Variants in SCMH1 observed in about 807,000 individuals in gnomAD.
SCMH1 encodes Scm polycomb group protein homolog 1.
In SCMH1, 37 loss-of-function variants were observed where a neutral mutation model predicts 70.8. That is an observed-to-expected ratio of 0.52 (90% confidence interval 0.40 to 0.69). The LOEUF is 0.69. SCMH1 is among the 30% of genes least tolerant of loss of function. SCMH1 has a pLI of 0.00. For synonymous variants in SCMH1, 292 were observed against 307.4 expected, an observed-to-expected ratio of 0.95 and a Z score of 0.52; for missense variants, 607 against 827.3, an observed-to-expected ratio of 0.73 and a Z score of 3.27.
chr1:41,177,897 C>T (rs373384339), intron 2 of SCMH1, among the ~76,000 whole-genome samples: 1 of 152,126 alleles, frequency 6.6e-6, no homozygotes, highest in African/African-American at 2.4e-5. Flanking sequence ...ATGCCACAAA[C>T]ATACTCCTCG....
chr1:41,186,271 G>A, intron 1 of SCMH1, 21 bp from the exon 2 acceptor site: 1 of 616,440 alleles, frequency 1.6e-6, no homozygotes, highest in Non-Finnish European at 3.1e-6. Context: ...GGTAGGTGGG[G>A]AGGAAGGAGA....
At chr1:41,062,918 CA>C (rs61144004) in intron 10 of SCMH1, among the ~76,000 whole-genome samples, 81 of 109,870 alleles carry the variant, frequency 7.4e-4, no homozygotes, top group Admixed American at 6.9e-4. Flanking sequence ...GACTCCATCT[CA>C]AAAAAAAAAA....
intron 10 of SCMH1, among the ~76,000 whole-genome samples, chr1:41,050,322 G>A (rs1349431757): frequency 6.6e-6 from 1 of 152,172 alleles, no homozygotes. Context: ...CTCACTAGCT[G>A]AAGGGGTAGA....
chr1:41,078,408 G>T (rs895856741), intron 8 of SCMH1, among the ~76,000 whole-genome samples: 1 of 152,034 alleles, frequency 6.6e-6, no homozygotes, highest in Non-Finnish European at 1.5e-5. Context: ...TATGGATTCA[G>T]CAATCCATAG....
At chr1:41,062,538 G>A (rs372859733) in intron 10 of SCMH1, among the ~76,000 whole-genome samples, 3 of 151,910 alleles carry the variant, frequency 2.0e-5, no homozygotes, top group Non-Finnish European at 4.4e-5. Context: ...TCAGGAATTC[G>A]AGACCAGCCT....
chr1:41,041,938 A>G (rs1012088736), intron 12 of SCMH1, among the ~76,000 whole-genome samples: 2 of 151,994 alleles, frequency 1.3e-5, no homozygotes, highest in South Asian at 2.1e-4. Flanking sequence ...AATCAATACA[A>G]TCTCCTGCTT....
rs931619188 is a variant in SCMH1 at position 41,102,586 on chromosome 1, G to T, written c.745+10697C>A. 3.9e-5 allele frequency among the ~76,000 whole-genome samples: 6 copies of T among 152,154 alleles called. No individual in the cohort carries two copies. The East Asian group carries it at 9.6e-4, about 24-fold the overall frequency. On this transcript the variant is annotated intron_variant, in intron 8 of 14. Coordinates refer to ENST00000337495, the Ensembl canonical transcript of SCMH1. ...CAAAGACATGTCACATTTTCCTGGG[G>T]ACTTCAGGCTGATAAATCTGCAGAG...
rs749945899 is a variant in SCMH1, at chr1:41,139,419, G to A, written c.412+3459C>T. Among the ~76,000 whole-genome samples, 99 of 152,010 alleles carry A rather than the reference G, an allele frequency of 6.5e-4. 1 individual carries two copies. Among genetic ancestry groups the A allele is most frequent in the African/African-American group, 2.1e-3 (87 of 41,438 alleles). ...AGTAACTGATAATTGTGGCATTCTC[G>A]GCTCCTAGTTATATTTAGGCATAAG... On this transcript the variant is annotated intron_variant, in intron 6 of 14. Transcript: ENST00000337495.
chr1:41,082,507 G>A (rs1413400127), intron 8 of SCMH1, among the ~76,000 whole-genome samples: 5 of 152,054 alleles, frequency 3.3e-5, no homozygotes. Flanking sequence ...TTACAGACAA[G>A]CAAATGCTAA....
chr1:41,109,154 A>C (rs1031701532), intron 8 of SCMH1, among the ~76,000 whole-genome samples: 1 of 152,208 alleles, frequency 6.6e-6, no homozygotes, highest in Non-Finnish European at 1.5e-5. Context: ...CTAGACTCAG[A>C]TATCAACAGA....
chr1:41,160,778 G>T, intron 4 of SCMH1, 97 bp downstream of exon 4: 1 of 1,129,484 alleles, frequency 8.9e-7, no homozygotes, highest in Non-Finnish European at 1.3e-6. Flanking sequence ...ACAGAGACAC[G>T]TGGAATTCTT....
At chr1:41,163,412 A>G (rs967021619) in intron 2 of SCMH1, among the ~76,000 whole-genome samples, 2 of 152,358 alleles carry the variant, frequency 1.3e-5, no homozygotes, top group African/African-American at 4.8e-5. Flanking sequence ...GAACGAGCCC[A>G]GTGGGCCCAA....
At chr1:41,066,803 T>C (rs1654759511) in intron 10 of SCMH1, among the ~76,000 whole-genome samples, 1 of 152,060 alleles carries the variant, frequency 6.6e-6, no homozygotes, top group Non-Finnish European at 1.5e-5. Context: ...TTGCCCAGGC[T>C]GGTCTTGAAC....
chr1:41,088,201 T>C (rs966713490), intron 8 of SCMH1, among the ~76,000 whole-genome samples: 2 of 152,002 alleles, frequency 1.3e-5, no homozygotes, highest in African/African-American at 4.8e-5. Flanking sequence ...AAAACACACA[T>C]AAATTTGCTT....
intron 1 of SCMH1, among the ~76,000 whole-genome samples, chr1:41,224,489 A>C (rs1159935461): frequency 6.6e-6 from 1 of 152,166 alleles, no homozygotes; most frequent in Non-Finnish European, 1.5e-5. Context: ...CATTTCTTAT[A>C]ATTATTACTA....
At chr1:41,048,844 A>T (rs141985362) in exon 11 of SCMH1, 1 of 1,614,066 alleles carries the variant, frequency 6.2e-7, no homozygotes, top group Non-Finnish European at 8.5e-7. Context: ...CCTTCTTCTT[A>T]TCTAAGTGGG....
intron 2 of SCMH1, among the ~76,000 whole-genome samples, chr1:41,181,522 T>A (rs989656478): frequency 6.6e-6 from 1 of 151,840 alleles, no homozygotes; most frequent in Non-Finnish European, 1.5e-5. Context: ...CACAACCCCA[T>A]CAAAAAGTGG....
chr1:41,053,668 T>G (rs1198886968), intron 10 of SCMH1, among the ~76,000 whole-genome samples: 1 of 152,148 alleles, frequency 6.6e-6, no homozygotes, highest in Non-Finnish European at 1.5e-5. Flanking sequence ...AAAAGATTAT[T>G]GGGACAGATT....
chr1:41,201,833 T>C (rs1379842505), intron 1 of SCMH1, among the ~76,000 whole-genome samples: 3 of 152,132 alleles, frequency 2.0e-5, no homozygotes, highest in Admixed American at 6.5e-5. Flanking sequence ...AAAAAGAATA[T>C]AGAACAAGCA....
Sources: allele counts gnomAD v4.1 joint callset (sites outside exome capture counted in the v4.1 genomes callset), GRCh38; gene constraint gnomAD v4.1.1; transcripts MANE v1.5; gene names NCBI Gene and HGNC (gene_info 2026-07-23, HGNC 2026-07-21).